POC5: variants seen among roughly 807,000 people sequenced by gnomAD.
POC5 encodes the protein POC5 centriolar protein, also known as centrosomal protein POC5.
Under a neutral mutation model 62.9 loss-of-function variants are expected in POC5, and 48 were observed. The ratio of observed to expected loss-of-function variants is 0.76; its 90% CI spans 0.61 to 0.97. POC5 has a LOEUF of 0.97. Among genes scored for constraint, POC5 ranks in the 50% least tolerant of loss-of-function variants. POC5 has a pLI of 0.00. For synonymous variants in POC5, 236 were observed against 228.2 expected (o/e 1.03, Z -0.31); for missense variants, 696 against 679.5 (o/e 1.02, Z -0.27).
At chr5:75,700,749 C>A (rs1205076242) in intron 5 of POC5, among the ~76,000 whole-genome samples, 1 of 139,762 alleles carries the variant, frequency 7.2e-6, no homozygotes, top group African/African-American at 2.5e-5. Flanking sequence ...AGCTTCTGCA[C>A]AGCAAAACAA....
At chr5:75,685,805 CA>C (rs1211701547) in intron 9 of POC5, among the ~76,000 whole-genome samples, 1 of 152,072 alleles carries the variant, frequency 6.6e-6, no homozygotes, top group East Asian at 1.9e-4. Context: ...ACAACTGTCA[CA>C]AAAAATATGA....
At position 75,680,927 on chromosome 5, in the gene POC5, T is replaced by C. The variant is rs181167333; in HGVS notation, c.1408-2977A>G. ...TTTTAGGATAAAATAATGCATTAGGTATGTATCATTCTCTGCAAATTAAAT... is the reference window on the plus strand; with the variant it reads ...TTTTAGGATAAAATAATGCATTAGGCATGTATCATTCTCTGCAAATTAAAT... On this transcript the variant is annotated intron_variant, in intron 10 of 11. Transcript: ENST00000428202. Among the ~76,000 whole-genome samples, 13 of 152,258 alleles carry C rather than the reference T, an allele frequency of 8.5e-5. No homozygotes were observed. The East Asian group carries it at 1.9e-3, about 23-fold the overall frequency.
intron 6 of POC5, among the ~76,000 whole-genome samples, chr5:75,693,290 CTT>C (rs975053788): frequency 1.8e-4 from 27 of 151,558 alleles, no homozygotes; most frequent in African/African-American, 6.0e-4. Context: ...AATATTCTCT[CTT>C]ATAAAAGAAC....
At chr5:75,676,732 G>T (rs1389640766) in intron 11 of POC5, among the ~76,000 whole-genome samples, 1 of 151,960 alleles carries the variant, frequency 6.6e-6, no homozygotes. Context: ...TGAGGCAGGA[G>T]AATTGTTTGA....
At chr5:75,675,655 T>C (rs76515575) in intron 11 of POC5, among the ~76,000 whole-genome samples, 2,046 of 152,290 alleles carry the variant, frequency 0.013, 13 homozygotes, top group Non-Finnish European at 0.021. Context: ...CCATTATAAA[T>C]AGGAGATACT....
intron 7 of POC5, among the ~76,000 whole-genome samples, chr5:75,692,116 G>A (rs1254446011): frequency 2.0e-5 from 3 of 152,030 alleles, no homozygotes; most frequent in Non-Finnish European, 4.4e-5. Flanking sequence ...ATCTGAGGGG[G>A]TTCTATTACC....
intron 7 of POC5, among the ~76,000 whole-genome samples, chr5:75,692,165 C>T (rs935476511): frequency 6.6e-6 from 1 of 152,032 alleles, no homozygotes; most frequent in African/African-American, 2.4e-5. Flanking sequence ...TATTAACCTA[C>T]TATGAAGCAG....
intron 6 of POC5, among the ~76,000 whole-genome samples, chr5:75,693,125 ATAAG>A (rs891592397): frequency 6.8e-6 from 1 of 148,068 alleles, no homozygotes; most frequent in African/African-American, 2.5e-5. Context: ...TGTTATATAT[ATAAG>A]TAAATATATA....
chr5:75,680,846 A>AC (rs1039966263), intron 10 of POC5, among the ~76,000 whole-genome samples: 20 of 152,036 alleles, frequency 1.3e-4, no homozygotes, highest in African/African-American at 4.8e-4. Flanking sequence ...ACAATCTTTG[A>AC]CCCCACATTC....
Position 75,685,494 on chromosome 5 carries a change from A to G in POC5, c.1130-10T>C. 1 of 1,598,414 alleles carries G rather than the reference A, an allele frequency of 6.3e-7. No homozygotes were observed. The highest frequency in any genetic ancestry group is 8.6e-7 in the Non-Finnish European group (1 of 1,167,726). ...TTTGTGGAGTCTATCCCTATAAATC[A>G]CAAATTAATTCCATTCAAATTCTTC... On this transcript the variant is annotated splice_polypyrimidine_tract_variant and intron_variant, in intron 9 of 11. Transcript: ENST00000428202.
intron 2 of POC5, among the ~76,000 whole-genome samples, chr5:75,709,291 A>C (rs370520981): frequency 1.3e-5 from 2 of 152,244 alleles, no homozygotes; most frequent in East Asian, 1.9e-4. Context: ...ATATTGCTAT[A>C]ATCAACCATT....
At chr5:75,696,749 A>G (rs1223972760) in intron 5 of POC5, among the ~76,000 whole-genome samples, 2 of 152,222 alleles carry the variant, frequency 1.3e-5, no homozygotes, top group Admixed American at 6.5e-5. Context: ...AGACGATCAA[A>G]TTACTCCGAG....
intron 11 of POC5, 82 bp from the exon 12 acceptor site, chr5:75,674,660 T>A: frequency 6.8e-7 from 1 of 1,479,498 alleles, no homozygotes; most frequent in South Asian, 1.3e-5. Flanking sequence ...ATCTATAATT[T>A]AACCCAATAA....
chr5:75,677,613 A>G (rs1579995343), intron 11 of POC5, 161 bp downstream of exon 11: 1 of 400,150 alleles, frequency 2.5e-6, no homozygotes, highest in East Asian at 3.9e-5. Flanking sequence ...AAAAACAAGT[A>G]TATATATTAA....
At chr5:75,690,177 C>A (rs912568698) in intron 8 of POC5, among the ~76,000 whole-genome samples, 6 of 152,180 alleles carry the variant, frequency 3.9e-5, no homozygotes, top group African/African-American at 1.4e-4. Flanking sequence ...CCGCGCCCAA[C>A]TAATAATTTC....
chr5:75,682,609 G>A (rs1357137702), intron 10 of POC5, among the ~76,000 whole-genome samples: 2 of 147,174 alleles, frequency 1.4e-5, no homozygotes, highest in African/African-American at 2.5e-5. Flanking sequence ...TCTGCCTCCC[G>A]GGTTCAAGTG....
chr5:75,683,142 G>A (rs1486095428), intron 10 of POC5, among the ~76,000 whole-genome samples: 3 of 152,086 alleles, frequency 2.0e-5, no homozygotes, highest in Admixed American at 6.5e-5. Context: ...GGGAGAAGAG[G>A]AAGACAAGCA....
At chr5:75,695,092 T>C (rs1479913469) in intron 5 of POC5, among the ~76,000 whole-genome samples, 5 of 152,188 alleles carry the variant, frequency 3.3e-5, no homozygotes, top group Non-Finnish European at 5.9e-5. Context: ...CTTAAAAAAA[T>C]TTCAGGTCTC....
chr5:75,690,426 ACTTCTTCAGCT>A lies in POC5; in HGVS notation c.921_931del (p.Arg307SerfsTer8). On this transcript the variant is annotated frameshift_variant, in exon 8 of 12. Transcript: ENST00000428202. LOFTEE classifies it high-confidence loss of function. Reference sequence around the variant, plus strand: ...ATAATCATTGGAAATCTGGATACAAACTTCTTCAGCTCTTGCTTGACAAGCTCTTTCTACCA... The same window carrying A: ...ATAATCATTGGAAATCTGGATACAAACTTGCTTGACAAGCTCTTTCTACCA... 1.9e-6 allele frequency: 3 copies of A among 1,612,272 alleles called. No individual in the cohort carries two copies. The highest frequency in any genetic ancestry group is 2.5e-6 in the Non-Finnish European group (3 of 1,179,220).
Sources: gnomAD v4.1 joint callset for allele counts (sites outside exome capture counted in the v4.1 genomes callset) on GRCh38, gnomAD v4.1.1 for gene constraint, MANE v1.5 for transcripts, NCBI Gene and HGNC (gene_info 2026-07-23, HGNC 2026-07-21) for gene names.